Variants in ST8SIA2 observed in about 807,000 individuals in gnomAD.
The protein encoded by ST8SIA2 is ST8 alpha-N-acetyl-neuraminide alpha-2,8-sialyltransferase 2, also known as alpha-2,8-sialyltransferase 8B.
Under a neutral mutation model 37.6 loss-of-function variants are expected in ST8SIA2, and 22 were observed. The observed-to-expected ratio is 0.58, with a 90% CI of 0.42 to 0.83. The LOEUF (loss-of-function observed/expected upper bound fraction) is 0.83. Among genes scored for constraint, ST8SIA2 ranks in the 40% least tolerant of loss-of-function variants. The probability of loss-of-function intolerance (pLI) is 0.00; values close to 1 mark genes in which losing one functional copy is unlikely to be tolerated. For synonymous variants in ST8SIA2, 205 were observed against 201.2 expected (o/e 1.02, Z -0.16); for missense variants, 382 against 484.7 (o/e 0.79, Z 1.99).
chr15:92,400,140 C>T (rs2049459781), intron 1 of ST8SIA2, among the ~76,000 whole-genome samples: 3 of 152,334 alleles, frequency 2.0e-5, no homozygotes, highest in Admixed American at 2.0e-4. Flanking sequence ...CAGGCCCTTC[C>T]TTTCTCTCAC....
At chr15:92,408,766 C>G (rs979548005) in intron 1 of ST8SIA2, among the ~76,000 whole-genome samples, 7 of 151,560 alleles carry the variant, frequency 4.6e-5, no homozygotes. Flanking sequence ...AGTACAATGG[C>G]GTGATCTCAG....
rs188387978 is a variant in ST8SIA2, at chr15:92,406,924, G to C, written c.98+12762G>C. ...CAGGAGGATCACTTGAACCTGGGAG[G>C]CGGAGGTTGCAGTGAGTCAAGATGT... On this transcript the variant is annotated intron_variant, in intron 1 of 5. Transcript: ENST00000268164. Among the ~76,000 whole-genome samples, 771 of 151,256 alleles carry C rather than the reference G, an allele frequency of 5.1e-3. 8 individuals are homozygous for C. Among genetic ancestry groups the C allele is most frequent in the African/African-American group, 0.017 (709 of 41,208 alleles).
intron 3 of ST8SIA2, among the ~76,000 whole-genome samples, chr15:92,435,852 G>C (rs543529314): frequency 2.6e-5 from 4 of 152,164 alleles, no homozygotes; most frequent in African/African-American, 9.6e-5. Context: ...AGCTCCCTAG[G>C]GCTGCTGTAA....
Position 92,464,483 on chromosome 15 carries a change from T to C in ST8SIA2, c.*98T>C. The C allele has an allele frequency of 2.2e-6, 3 of 1,389,408 alleles. No individual in the cohort carries two copies. Among genetic ancestry groups the C allele is most frequent in the Non-Finnish European group, 3.1e-6 (3 of 979,092 alleles). 86.1% of individuals were successfully genotyped at this position (1,389,408 alleles called of 1,614,324 possible). A position where few individuals can be genotyped will look rare whatever the true frequency, so the allele number is the denominator to read the frequency against. ...GGCACAAACAATAGAACAAGCAGGC[T>C]AGTGGTTTTCTTTGTTAAAGTGTAA... On this transcript the variant is annotated 3_prime_UTR_variant, in exon 6 of 6. Coordinates refer to ENST00000268164, the MANE Select transcript of ST8SIA2 (RefSeq NM_006011.4).
Position 92,444,807 on chromosome 15 carries a change from C to T in ST8SIA2, c.720C>T (p.Ile240=). 1 of 1,614,176 alleles carries T rather than the reference C, an allele frequency of 6.2e-7. No homozygotes were observed. Among genetic ancestry groups the T allele is most frequent in the Non-Finnish European group, 8.5e-7 (1 of 1,180,054 alleles). Residue 240 remains isoleucine, a synonymous_variant, in exon 5 of 6, where the codon ATC becomes ATT. Transcript: ENST00000268164. ...GCCTCAATGGCAGCATCCTGTGGAT[C>T]CCTGCCTTCATGGCCCGGGGCGGCA... ...LHSLNGSILW[I]PAFMARGGKE...
At chr15:92,442,275 C>G (rs1189006872) in intron 4 of ST8SIA2, among the ~76,000 whole-genome samples, 1 of 152,134 alleles carries the variant, frequency 6.6e-6, no homozygotes, top group Non-Finnish European at 1.5e-5. Context: ...GGTATGGAGC[C>G]CTTACTGTGA....
chr15:92,398,934 A>C (rs746156083), intron 1 of ST8SIA2, among the ~76,000 whole-genome samples: 1 of 152,226 alleles, frequency 6.6e-6, no homozygotes, highest in Non-Finnish European at 1.5e-5. Flanking sequence ...TAGTTTCTCC[A>C]TCAGTCATTT....
In ST8SIA2 at chr15:92,444,796, A is replaced by G. The variant is rs1173140410; in HGVS notation, c.709A>G (p.Ile237Val). Reference sequence around the variant, plus strand: ...ACGGCTGCACAGCCTCAATGGCAGCATCCTGTGGATCCCTGCCTTCATGGC... The same window carrying G: ...ACGGCTGCACAGCCTCAATGGCAGCGTCCTGTGGATCCCTGCCTTCATGGC... ...LQRLHSLNGS[I>V]LWIPAFMARG... The change falls in exon 5 of 6, where the codon ATC becomes GTC. Residue 237 changes from isoleucine to valine, a missense_variant. By Grantham distance (29) the Ile-to-Val change is conservative. Transcript: ENST00000268164. 2.5e-6 allele frequency: 4 copies of G among 1,614,036 alleles called. No homozygotes were observed.
intron 1 of ST8SIA2, among the ~76,000 whole-genome samples, chr15:92,410,278 T>C (rs1009569170): frequency 6.6e-6 from 1 of 152,214 alleles, no homozygotes; most frequent in Non-Finnish European, 1.5e-5. Flanking sequence ...GGGCAATAAA[T>C]AGGTGTTGGT....
At chr15:92,404,676 A>G (rs942460433) in intron 1 of ST8SIA2, among the ~76,000 whole-genome samples, 7 of 151,520 alleles carry the variant, frequency 4.6e-5, no homozygotes, top group Non-Finnish European at 8.8e-5. Context: ...ACAAAAAAAA[A>G]AAAAAAAAAA....
chr15:92,407,379 G>C (rs1370602656), intron 1 of ST8SIA2, among the ~76,000 whole-genome samples: 2 of 152,210 alleles, frequency 1.3e-5, no homozygotes, highest in African/African-American at 4.8e-5. Flanking sequence ...GTCCAAGGAG[G>C]ATACAGTGTG....
At chr15:92,435,576 C>T (rs966854202) in intron 3 of ST8SIA2, among the ~76,000 whole-genome samples, 7 of 152,274 alleles carry the variant, frequency 4.6e-5, no homozygotes, top group African/African-American at 1.7e-4. Context: ...CTCCACAAGG[C>T]TCACTGTCAA....
At chr15:92,432,354 T>C (rs2049722234) in intron 2 of ST8SIA2, among the ~76,000 whole-genome samples, 1 of 152,202 alleles carries the variant, frequency 6.6e-6, no homozygotes, top group African/African-American at 2.4e-5. Context: ...ATCAAAAGGA[T>C]GCAGCAATGC....
chr15:92,418,009 G>A (rs1285581613), intron 1 of ST8SIA2, among the ~76,000 whole-genome samples: 3 of 152,084 alleles, frequency 2.0e-5, no homozygotes, highest in Non-Finnish European at 4.4e-5. Context: ...AGGACGCAGG[G>A]GGCCACTTTC....
intron 3 of ST8SIA2, among the ~76,000 whole-genome samples, chr15:92,436,095 T>C (rs1367885259): frequency 6.6e-6 from 1 of 152,138 alleles, no homozygotes; most frequent in Admixed American, 6.5e-5. Context: ...CACCTGTCAT[T>C]GTATTTAAGG....
rs193033910 is a variant in ST8SIA2, at chr15:92,468,686, C to T, written c.*4301C>T. On this transcript the variant is annotated 3_prime_UTR_variant, in exon 6 of 6. Transcript: ENST00000268164. ...ACAGCACTAGGCGTGGTGCATAGCACACAGCAGTTGCTCAATAAATGTTTG... is the reference window on the plus strand; with the variant it reads ...ACAGCACTAGGCGTGGTGCATAGCATACAGCAGTTGCTCAATAAATGTTTG... 1.0e-4 allele frequency: 16 copies of T among 152,816 alleles called. No homozygotes were observed. Among genetic ancestry groups the T allele is most frequent in the Admixed American group, 1.0e-3 (16 of 15,312 alleles). The allele number at this position is 152,816 out of a possible 1,614,324, so 9.5% of individuals were successfully genotyped here.
intron 5 of ST8SIA2, among the ~76,000 whole-genome samples, chr15:92,461,098 G>T (rs1329128963): frequency 6.6e-6 from 1 of 152,114 alleles, no homozygotes; most frequent in Non-Finnish European, 1.5e-5. Flanking sequence ...TCAGAGCAAA[G>T]TGGAGACATG....
intron 4 of ST8SIA2, among the ~76,000 whole-genome samples, chr15:92,439,872 A>C (rs982850323): frequency 6.7e-6 from 1 of 149,762 alleles, no homozygotes; most frequent in African/African-American, 2.5e-5. Flanking sequence ...TGGGTGTTAA[A>C]GGTGAGTGTG....
Position 92,457,023 on chromosome 15 carries a change from A to G in ST8SIA2, c.843-7077A>G, listed in dbSNP as rs145121273. 4.6e-5 allele frequency among the ~76,000 whole-genome samples: 7 copies of G among 152,356 alleles called. No individual in the cohort carries two copies. In the East Asian group the frequency reaches 1.2e-3, roughly 25 times the overall value. ...GGTGTCTCATTCTGAGATATCCTGCAGCACACCAGAGGCCTCAACAGTGTT... is the reference window on the plus strand; with the variant it reads ...GGTGTCTCATTCTGAGATATCCTGCGGCACACCAGAGGCCTCAACAGTGTT... On this transcript the variant is annotated intron_variant, in intron 5 of 5. Coordinates refer to ENST00000268164, the MANE Select transcript of ST8SIA2 (RefSeq NM_006011.4).
Sources: gnomAD v4.1 joint callset for allele counts (sites outside exome capture counted in the v4.1 genomes callset) on GRCh38, gnomAD v4.1.1 for gene constraint, MANE v1.5 for transcripts, NCBI Gene and HGNC (gene_info 2026-07-23, HGNC 2026-07-21) for gene names.